LHFPL6: variants seen among roughly 807,000 people sequenced by gnomAD.
LHFPL6 encodes the protein LHFPL tetraspan subfamily member 6 protein.
A neutral mutation model predicts 20.6 loss-of-function variants in LHFPL6; 9 were observed. The ratio of observed to expected loss-of-function variants is 0.44; its 90% CI spans 0.26 to 0.76. LHFPL6 has a LOEUF of 0.76. Among genes scored for constraint, LHFPL6 ranks in the 30% least tolerant of loss-of-function variants. The pLI, the probability that LHFPL6 is intolerant of heterozygous loss-of-function variation, is 0.20. For missense variants in LHFPL6, 218 were observed against 253.5 expected (o/e 0.86, Z 0.95); for synonymous variants, 105 against 98.7 (o/e 1.06, Z -0.38).
chr13:39,416,818 A>AT (rs1434212697), intron 2 of LHFPL6, among the ~76,000 whole-genome samples: 2 of 152,138 alleles, frequency 1.3e-5, no homozygotes, highest in African/African-American at 4.8e-5. Flanking sequence ...TTTTCCTCCT[A>AT]AAGTTGTTAA....
rs540735962 is a variant in LHFPL6, at chr13:39,363,254, C to T, written c.484+15174G>A. ...GGATTAGACCTGAACAGGACAGAGC[C>T]TCTTTTAAATTCAAGCCTTGTCAAA... is the stretch of plus-strand genomic sequence containing the variant. On this transcript the variant is annotated intron_variant, in intron 3 of 3. Coordinates refer to ENST00000379589, the MANE Select transcript of LHFPL6 (RefSeq NM_005780.3). 7.1e-4 allele frequency among the ~76,000 whole-genome samples: 108 copies of T among 152,208 alleles called. 1 individual carries two copies. The highest frequency in any genetic ancestry group is 6.8e-3 in the Middle Eastern group (2 of 294).
chr13:39,503,919 G>A (rs953795083), intron 2 of LHFPL6, among the ~76,000 whole-genome samples: 1 of 152,144 alleles, frequency 6.6e-6, no homozygotes, highest in African/African-American at 2.4e-5. Context: ...TTCTTGAAGA[G>A]TCTAACAATT....
chr13:39,412,830 G>C (rs1205350899), intron 2 of LHFPL6, among the ~76,000 whole-genome samples: 1 of 151,600 alleles, frequency 6.6e-6, no homozygotes, highest in Non-Finnish European at 1.5e-5. Context: ...GGCTGAGGCA[G>C]AGAACTGCTC....
intron 3 of LHFPL6, among the ~76,000 whole-genome samples, chr13:39,368,765 T>C (rs924533314): frequency 2.0e-5 from 3 of 152,130 alleles, no homozygotes; most frequent in African/African-American, 7.2e-5. Flanking sequence ...AACTGTGACA[T>C]AAAACAATTG....
chr13:39,393,297 C>G (rs576039415), intron 2 of LHFPL6, among the ~76,000 whole-genome samples: 1 of 152,328 alleles, frequency 6.6e-6, no homozygotes, highest in East Asian at 1.9e-4. Context: ...ACTGTGGAAA[C>G]ATTCAAAACA....
chr13:39,420,498 A>G (rs1255821431), intron 2 of LHFPL6, among the ~76,000 whole-genome samples: 1 of 152,202 alleles, frequency 6.6e-6, no homozygotes, highest in East Asian at 1.9e-4. Context: ...ATGTATCAAA[A>G]TGACAAGATT....
chr13:39,354,231 C>T (rs1194302030), intron 3 of LHFPL6, among the ~76,000 whole-genome samples: 1 of 152,180 alleles, frequency 6.6e-6, no homozygotes, highest in Non-Finnish European at 1.5e-5. Flanking sequence ...TTTCACCACA[C>T]ATCACTGGTG....
intron 2 of LHFPL6, among the ~76,000 whole-genome samples, chr13:39,382,013 T>G (rs1331125177): frequency 6.6e-6 from 1 of 152,146 alleles, no homozygotes; most frequent in African/African-American, 2.4e-5. Flanking sequence ...AGAAGCATAC[T>G]CCTAAATTAG....
rs1480054005 is a variant in LHFPL6, at chr13:39,486,602, G to A, written c.386-108076C>T. On this transcript the variant is annotated intron_variant, in intron 2 of 3. Coordinates refer to ENST00000379589, the MANE Select transcript of LHFPL6 (RefSeq NM_005780.3). ...TTACTATTACCGCCAATATGATGAC[G>A]ATGGTCAGGGTGTCTTCTTCCACTC... Among the ~76,000 whole-genome samples, 7 of 152,162 alleles carry A rather than the reference G, an allele frequency of 4.6e-5. No homozygotes were observed. In the South Asian group the frequency reaches 6.2e-4, roughly 14 times the overall value.
chr13:39,352,866 T>C (rs1379440025), intron 3 of LHFPL6, among the ~76,000 whole-genome samples: 13 of 12,212 alleles, frequency 1.1e-3, no homozygotes, highest in African/African-American at 4.3e-3. Flanking sequence ...TATATATGTG[T>C]ATATATATAT....
Position 39,414,481 on chromosome 13 carries a change from A to G in LHFPL6, c.386-35955T>C, listed in dbSNP as rs1302638214. On this transcript the variant is annotated intron_variant, in intron 2 of 3. Transcript: ENST00000379589. ...CATTATGCTTCAGGGCATGTGTTTC[A>G]GGACAACTGAGGGAGTCTTCATGGT... Among the ~76,000 whole-genome samples, 4 of 152,174 alleles carry G rather than the reference A, an allele frequency of 2.6e-5. No individual in the cohort carries two copies. In the South Asian group the frequency reaches 6.2e-4, roughly 24 times the overall value.
At chr13:39,551,048 G>C (rs895366755) in intron 2 of LHFPL6, among the ~76,000 whole-genome samples, 2 of 152,100 alleles carry the variant, frequency 1.3e-5, no homozygotes, top group African/African-American at 2.4e-5. Context: ...TTTCTAGTCT[G>C]TTCCATTGAT....
chr13:39,500,928 AAC>A lies in LHFPL6; in HGVS notation c.385+99902_385+99903del, dbSNP rs555292383. On this transcript the variant is annotated intron_variant, in intron 2 of 3. Coordinates refer to ENST00000379589, the MANE Select transcript of LHFPL6 (RefSeq NM_005780.3). ...GAGAATCACCTGGAAAACTTAGGAA[AAC>A]ACAGATTGCTGGGCTCTACCTCCAC... Among the ~76,000 whole-genome samples, 900 of 152,300 alleles carry A rather than the reference AAC, an allele frequency of 5.9e-3. 12 individuals carry two copies. The highest frequency in any genetic ancestry group is 0.021 in the African/African-American group (859 of 41,572).
At chr13:39,435,313 A>G (rs1472446486) in intron 2 of LHFPL6, among the ~76,000 whole-genome samples, 1 of 152,100 alleles carries the variant, frequency 6.6e-6, no homozygotes, top group African/African-American at 2.4e-5. Flanking sequence ...ATCCAAGAGG[A>G]AAGTGAACCC....
At chr13:39,401,424 T>C (rs1483010540) in intron 2 of LHFPL6, among the ~76,000 whole-genome samples, 2 of 152,118 alleles carry the variant, frequency 1.3e-5, no homozygotes, top group African/African-American at 4.8e-5. Flanking sequence ...GAGTCAACAG[T>C]GGGAAATGAT....
At chr13:39,362,162 G>C (rs1184091741) in intron 3 of LHFPL6, among the ~76,000 whole-genome samples, 1 of 152,240 alleles carries the variant, frequency 6.6e-6, no homozygotes, top group Non-Finnish European at 1.5e-5. Context: ...AGTGTTGGAG[G>C]AGGGGCCTGG....
intron 2 of LHFPL6, among the ~76,000 whole-genome samples, chr13:39,404,228 T>G (rs1262097133): frequency 6.6e-6 from 1 of 152,232 alleles, no homozygotes; most frequent in Non-Finnish European, 1.5e-5. Context: ...ACTTTAAACT[T>G]CTTAGTTGCT....
chr13:39,480,751 T>C (rs1319263803), intron 2 of LHFPL6, among the ~76,000 whole-genome samples: 1 of 152,180 alleles, frequency 6.6e-6, no homozygotes, highest in South Asian at 2.1e-4. Context: ...ATTTTTACCA[T>C]GGCACAGACA....
At chr13:39,515,587 C>G (rs1439330317) in intron 2 of LHFPL6, among the ~76,000 whole-genome samples, 1 of 152,178 alleles carries the variant, frequency 6.6e-6, no homozygotes, top group East Asian at 1.9e-4. Flanking sequence ...GATAATCATT[C>G]TAAGGCATTG....
Sources: gnomAD v4.1 joint callset for allele counts (sites outside exome capture counted in the v4.1 genomes callset) on GRCh38, gnomAD v4.1.1 for gene constraint, MANE v1.5 for transcripts, NCBI Gene and HGNC (gene_info 2026-07-23, HGNC 2026-07-21) for gene names.